The following SH3RF3 variants were observed in gnomAD, a reference collection of about 807,000 sequenced individuals.
SH3RF3 encodes the protein E3 ubiquitin-protein ligase SH3RF3.
In SH3RF3, 29 loss-of-function variants were observed where a neutral mutation model predicts 66.3. The ratio of observed to expected loss-of-function variants is 0.44; its 90% CI spans 0.33 to 0.60. SH3RF3 has a LOEUF of 0.60. Ranked by LOEUF, SH3RF3 falls within the 20% of genes least tolerant of loss-of-function variation. The pLI is 0.04. For missense variants in SH3RF3, 1,194 were observed against 1,190.9 expected (o/e 1.00, Z -0.04); for synonymous variants, 583 against 532.0 (o/e 1.10, Z -1.32).
chr2:109,284,974 T>A (rs924898192), intron 1 of SH3RF3, among the ~76,000 whole-genome samples: 39 of 152,330 alleles, frequency 2.6e-4, no homozygotes, highest in South Asian at 4.1e-4. Flanking sequence ...CCATCAGAAG[T>A]GAAGTCAATG....
At chr2:109,357,218 G>A (rs1370081003) in intron 2 of SH3RF3, among the ~76,000 whole-genome samples, 1 of 150,574 alleles carries the variant, frequency 6.6e-6, no homozygotes, top group Non-Finnish European at 1.5e-5. Context: ...GTCTTACTCT[G>A]TCGCCCAGGC....
chr2:109,351,601 C>CT (rs1211852895), intron 2 of SH3RF3, among the ~76,000 whole-genome samples: 1 of 152,240 alleles, frequency 6.6e-6, no homozygotes, highest in African/African-American at 2.4e-5. Flanking sequence ...GCAGGGCCCA[C>CT]GCTGCTTTTC....
chr2:109,387,252 G>A (rs1191050036), intron 3 of SH3RF3, among the ~76,000 whole-genome samples: 3 of 152,176 alleles, frequency 2.0e-5, no homozygotes, highest in Admixed American at 6.5e-5. Context: ...CATGATTGCA[G>A]TAGCTTCCAA....
chr2:109,432,479 T>G (rs1184247583), intron 5 of SH3RF3, 22 bp from the exon 6 acceptor site: 1 of 1,612,038 alleles, frequency 6.2e-7, no homozygotes, highest in Admixed American at 1.7e-5. Context: ...CCACTGACAC[T>G]GGCCCCATGC....
intron 3 of SH3RF3, among the ~76,000 whole-genome samples, chr2:109,380,434 GT>G (rs1169573024): frequency 1.3e-5 from 2 of 152,156 alleles, no homozygotes; most frequent in Non-Finnish European, 2.9e-5. Flanking sequence ...ATGTTATTGG[GT>G]TGTGGTTCAG....
intron 5 of SH3RF3, among the ~76,000 whole-genome samples, chr2:109,431,479 T>C (rs986434169): frequency 9.8e-5 from 15 of 152,318 alleles, no homozygotes; most frequent in East Asian, 3.9e-4. Flanking sequence ...GATATAGGTA[T>C]AGTTAAGTAT....
intron 4 of SH3RF3, among the ~76,000 whole-genome samples, chr2:109,401,056 G>A (rs1008190894): frequency 2.0e-5 from 3 of 152,198 alleles, no homozygotes; most frequent in Non-Finnish European, 4.4e-5. Context: ...GTGCACATCT[G>A]GGGGGTAAAG....
At chr2:109,271,893 G>T (rs1477339952) in intron 1 of SH3RF3, among the ~76,000 whole-genome samples, 1 of 152,238 alleles carries the variant, frequency 6.6e-6, no homozygotes, top group Non-Finnish European at 1.5e-5. Context: ...GCAGAATTGA[G>T]ATTCTAACCG....
chr2:109,371,483 TG>T lies in SH3RF3; in HGVS notation c.850-101del, dbSNP rs878867434. Reference sequence around the variant, plus strand: ...ATGCACTCTTCTTGAACTCATTCCTTGGAATCTCTTCCGAGCCTCCACAGTA... The same window carrying T: ...ATGCACTCTTCTTGAACTCATTCCTTGAATCTCTTCCGAGCCTCCACAGTA... On this transcript the variant is annotated intron_variant, in intron 2 of 9. Coordinates refer to ENST00000309415, the MANE Select transcript of SH3RF3 (RefSeq NM_001099289.3). The T allele has an allele frequency of 1.2e-4, 109 of 872,196 alleles. No individual in the cohort carries two copies. The South Asian group carries it at 1.6e-3, about 13-fold the overall frequency. 54.0% of individuals were successfully genotyped at this position (872,196 alleles called of 1,614,324 possible).
intron 1 of SH3RF3, among the ~76,000 whole-genome samples, chr2:109,307,886 G>A (rs1343237227): frequency 1.6e-5 from 2 of 124,590 alleles, no homozygotes; most frequent in Non-Finnish European, 1.6e-5. Flanking sequence ...GTAAACATAC[G>A]TGTGCATGTG....
At chr2:109,348,060 C>G in intron 2 of SH3RF3, 111 bp downstream of exon 2, 1 of 1,394,408 alleles carries the variant, frequency 7.2e-7, no homozygotes, top group Non-Finnish European at 9.6e-7. Flanking sequence ...GAGTCTGAAT[C>G]CTGGCTCCTC....
intron 1 of SH3RF3, among the ~76,000 whole-genome samples, chr2:109,236,020 T>C (rs972186187): frequency 6.6e-6 from 1 of 152,034 alleles, no homozygotes; most frequent in East Asian, 1.9e-4. Context: ...TGACCTATTA[T>C]AATATGCATG....
chr2:109,444,396 G>A (rs1455918257), intron 7 of SH3RF3, among the ~76,000 whole-genome samples: 1 of 152,228 alleles, frequency 6.6e-6, no homozygotes, highest in African/African-American at 2.4e-5. Context: ...ACTGGCTGTA[G>A]GATAAAAAGC....
At chr2:109,424,582 CG>C (rs1437337828) in intron 5 of SH3RF3, among the ~76,000 whole-genome samples, 5 of 152,158 alleles carry the variant, frequency 3.3e-5, no homozygotes, top group African/African-American at 1.2e-4. Flanking sequence ...TGTCACATTT[CG>C]GTAATTCTTA....
intron 1 of SH3RF3, among the ~76,000 whole-genome samples, chr2:109,133,515 T>G (rs1676744795): frequency 1.3e-5 from 2 of 152,232 alleles, no homozygotes; most frequent in Admixed American, 1.3e-4. Context: ...TCTTTTTAGC[T>G]GAACACAGTC....
chr2:109,286,437 C>T (rs1257697763), intron 1 of SH3RF3, among the ~76,000 whole-genome samples: 1 of 152,164 alleles, frequency 6.6e-6, no homozygotes, highest in Non-Finnish European at 1.5e-5. Flanking sequence ...GGCTCAGGTC[C>T]TGTGGTCACT....
intron 1 of SH3RF3, among the ~76,000 whole-genome samples, chr2:109,219,930 A>G (rs941760100): frequency 6.6e-6 from 1 of 152,262 alleles, no homozygotes; most frequent in African/African-American, 2.4e-5. Flanking sequence ...AAAGCACTCT[A>G]AAATTTATAT....
chr2:109,223,702 C>T (rs944802868), intron 1 of SH3RF3, among the ~76,000 whole-genome samples: 6 of 152,308 alleles, frequency 3.9e-5, no homozygotes, highest in South Asian at 2.1e-4. Context: ...GCTGCCCCAA[C>T]GTGGAGATCC....
In SH3RF3 at chr2:109,439,399, CA is replaced by C. The variant is rs1461621637; in HGVS notation, c.1828+2254del. Among the ~76,000 whole-genome samples the C allele has an allele frequency of 1.3e-4, 20 of 152,258 alleles. 1 individual carries two copies. Among genetic ancestry groups the C allele is most frequent in the Admixed American group, 1.2e-3 (19 of 15,302 alleles). On this transcript the variant is annotated intron_variant, in intron 7 of 9. Transcript: ENST00000309415. Reference sequence around the variant, plus strand: ...ATTAAATGCCACTGAGTTCCTGCGGCATTTTCCACTTCATTCTGCATTTAGA... The same window carrying C: ...ATTAAATGCCACTGAGTTCCTGCGGCTTTTCCACTTCATTCTGCATTTAGA...
Sources: gnomAD v4.1 joint callset for allele counts (sites outside exome capture counted in the v4.1 genomes callset) on GRCh38, gnomAD v4.1.1 for gene constraint, MANE v1.5 for transcripts, NCBI Gene and HGNC (gene_info 2026-07-23, HGNC 2026-07-21) for gene names.